The following NPNT variants were observed in gnomAD, a reference collection of about 807,000 sequenced individuals.
The protein encoded by NPNT is nephronectin, also known as preosteoblast EGF-like repeat protein with MAM domain.
In NPNT, 45 loss-of-function variants were observed where a neutral mutation model predicts 68.6. The observed-to-expected ratio is 0.66, with a 90% CI of 0.52 to 0.84. NPNT has a LOEUF of 0.84. Ranked by LOEUF, NPNT falls within the 40% of genes least tolerant of loss-of-function variation. The probability of loss-of-function intolerance (pLI) is 0.00; values close to 1 mark genes in which losing one functional copy is unlikely to be tolerated. For synonymous variants in NPNT, 233 were observed against 253.3 expected (o/e 0.92, Z 0.76); for missense variants, 672 against 714.8 (o/e 0.94, Z 0.68).
At chr4:105,960,594 C>T (rs114657373) in intron 10 of NPNT, among the ~76,000 whole-genome samples, 1,808 of 152,180 alleles carry the variant, frequency 0.012, 19 homozygotes, top group South Asian at 0.025. Flanking sequence ...CAAATTGGTT[C>T]ATACATTTCT....
At chr4:105,927,461 G>A (rs993797401) in intron 3 of NPNT, 33 bp downstream of exon 3, 13 of 1,287,494 alleles carry the variant, frequency 1.0e-5, no homozygotes, top group South Asian at 1.2e-5. Context: ...ATACACAATC[G>A]AAGACACCTC....
At chr4:105,908,987 T>C (rs1328429595) in intron 2 of NPNT, among the ~76,000 whole-genome samples, 1 of 152,224 alleles carries the variant, frequency 6.6e-6, no homozygotes, top group Non-Finnish European at 1.5e-5. Context: ...AGACATAAAC[T>C]TCCCACCAAA....
At chr4:105,900,356 C>T (rs928533299) in intron 2 of NPNT, among the ~76,000 whole-genome samples, 8 of 151,836 alleles carry the variant, frequency 5.3e-5, no homozygotes, top group African/African-American at 1.9e-4. Context: ...GGTGGTGGTA[C>T]CCTCATTATA....
In NPNT at chr4:105,928,408, G is replaced by A. The variant is rs150503353; in HGVS notation, c.265+980G>A. 8.6e-3 allele frequency among the ~76,000 whole-genome samples: 1,313 copies of A among 152,216 alleles called. 15 individuals are homozygous for A. Among genetic ancestry groups the A allele is most frequent in the African/African-American group, 0.029 (1,188 of 41,542 alleles). The stretch of plus-strand genomic sequence containing the variant: ...GCGAGTGGATCACCTGAGGTTGGGA[G>A]TTCAAGACCAGCCTGACCAACATGG... On this transcript the variant is annotated intron_variant, in intron 3 of 11. Transcript: ENST00000379987.
intron 2 of NPNT, among the ~76,000 whole-genome samples, chr4:105,915,591 T>C (rs984078971): frequency 3.3e-5 from 5 of 152,182 alleles, no homozygotes; most frequent in Non-Finnish European, 7.3e-5. Flanking sequence ...ACATGGTGGC[T>C]GCAGTATTTG....
intron 8 of NPNT, among the ~76,000 whole-genome samples, chr4:105,955,321 A>G (rs1731134918): frequency 6.6e-6 from 1 of 152,160 alleles, no homozygotes; most frequent in South Asian, 2.1e-4. Flanking sequence ...TTTAATTAAC[A>G]TTTTCTGCAT....
intron 5 of NPNT, 105 bp downstream of exon 5, chr4:105,938,525 A>G: frequency 9.1e-7 from 1 of 1,101,164 alleles, no homozygotes; most frequent in Non-Finnish European, 1.3e-6. Flanking sequence ...CTTACATCAG[A>G]TAATTAGCTA....
Position 105,924,989 on chromosome 4 carries a change from A to G in NPNT, c.173-2347A>G, listed in dbSNP as rs181384150. Among the ~76,000 whole-genome samples, 608 of 152,240 alleles carry G rather than the reference A, an allele frequency of 4.0e-3. 5 individuals carry two copies. Among genetic ancestry groups the G allele is most frequent in the African/African-American group, 0.014 (579 of 41,544 alleles). ...ACATGGTTATCCAGGTTGCATGCATATATAAATGTTAAGATTTATGGAAGG... is the reference window on the plus strand; with the variant it reads ...ACATGGTTATCCAGGTTGCATGCATGTATAAATGTTAAGATTTATGGAAGG... On this transcript the variant is annotated intron_variant, in intron 2 of 11. Coordinates refer to ENST00000379987, the MANE Select transcript of NPNT (RefSeq NM_001033047.3).
chr4:105,931,027 C>G (rs1383445493), intron 3 of NPNT, among the ~76,000 whole-genome samples: 1 of 152,176 alleles, frequency 6.6e-6, no homozygotes, highest in African/African-American at 2.4e-5. Flanking sequence ...CGTTACCTTT[C>G]AAAGCAGATG....
chr4:105,914,135 A>C (rs1210931471), intron 2 of NPNT, among the ~76,000 whole-genome samples: 4 of 151,464 alleles, frequency 2.6e-5, no homozygotes, highest in Non-Finnish European at 5.9e-5. Context: ...AGTTCAGGGA[A>C]AGAATCATTT....
chr4:105,923,711 C>A (rs1264672576), intron 2 of NPNT, among the ~76,000 whole-genome samples: 4 of 152,122 alleles, frequency 2.6e-5, no homozygotes, highest in Admixed American at 2.6e-4. Context: ...TCTTCAGCCC[C>A]CTTCTTACAC....
At chr4:105,912,822 G>A (rs1578593940) in intron 2 of NPNT, among the ~76,000 whole-genome samples, 1 of 152,196 alleles carries the variant, frequency 6.6e-6, no homozygotes, top group Non-Finnish European at 1.5e-5. Flanking sequence ...GGTGAAATAT[G>A]TGGAATTGTA....
At chr4:105,916,523 A>G (rs1294876972) in intron 2 of NPNT, among the ~76,000 whole-genome samples, 6 of 152,150 alleles carry the variant, frequency 3.9e-5, no homozygotes, top group African/African-American at 1.4e-4. Context: ...TACCCAGCCA[A>G]GCACATTTAT....
intron 3 of NPNT, among the ~76,000 whole-genome samples, chr4:105,931,944 T>G (rs569014722): frequency 3.3e-5 from 5 of 152,334 alleles, no homozygotes; most frequent in Admixed American, 3.3e-4. Context: ...CAGAACGTGA[T>G]TGTTAAGTCT....
intron 10 of NPNT, among the ~76,000 whole-genome samples, chr4:105,961,426 A>G (rs1560542877): frequency 6.6e-6 from 1 of 152,226 alleles, no homozygotes; most frequent in African/African-American, 2.4e-5. Context: ...GATTCCTTCA[A>G]GTAAGTTACA....
intron 8 of NPNT, among the ~76,000 whole-genome samples, chr4:105,956,794 G>A (rs1390835423): frequency 6.6e-6 from 1 of 152,046 alleles, no homozygotes; most frequent in African/African-American, 2.4e-5. Flanking sequence ...TCATCCCCTG[G>A]GTATCCACAG....
intron 8 of NPNT, among the ~76,000 whole-genome samples, chr4:105,945,529 T>C (rs1310054054): frequency 6.6e-6 from 1 of 152,234 alleles, no homozygotes; most frequent in East Asian, 1.9e-4. Flanking sequence ...TAAGGTCTAA[T>C]AATGTGGATT....
intron 1 of NPNT, 192 bp downstream of exon 1, chr4:105,895,915 G>A: frequency 1.7e-6 from 1 of 580,568 alleles, no homozygotes. Context: ...CGGAGAGGGC[G>A]CGCCCTTGCG....
At chr4:105,914,058 AGAT>A (rs1727593132) in intron 2 of NPNT, among the ~76,000 whole-genome samples, 1 of 152,074 alleles carries the variant, frequency 6.6e-6, no homozygotes, top group Non-Finnish European at 1.5e-5. Flanking sequence ...TCAATTTGTA[AGAT>A]GATTGGCTCT....
Sources: gnomAD v4.1 joint callset for allele counts (sites outside exome capture counted in the v4.1 genomes callset) on GRCh38, gnomAD v4.1.1 for gene constraint, MANE v1.5 for transcripts, NCBI Gene and HGNC (gene_info 2026-07-23, HGNC 2026-07-21) for gene names.